The following CTRB1 variants were observed in gnomAD, a reference collection of about 807,000 sequenced individuals.
The protein encoded by CTRB1 is chymotrypsinogen B.
In CTRB1, 15 loss-of-function variants were observed where a neutral mutation model predicts 20.4. The observed-to-expected ratio is 0.74, with a 90% confidence interval of 0.49 to 1.13. The LOEUF (loss-of-function observed/expected upper bound fraction) is 1.13, where lower values mean the gene tolerates loss of function less well. Ranked by LOEUF, CTRB1 falls within the 50% of genes most tolerant of loss-of-function variation. The probability of loss-of-function intolerance (pLI) is 0.00; values close to 1 mark genes in which losing one functional copy is unlikely to be tolerated. For missense variants in CTRB1, 227 were observed against 290.1 expected (o/e 0.78, Z 1.58); for synonymous variants, 92 against 128.4 (o/e 0.72, Z 1.92).
At chr16:75,219,592 C>G (rs942742751) in intron 1 of CTRB1, among the ~76,000 whole-genome samples, 1 of 152,160 alleles carries the variant, frequency 6.6e-6, no homozygotes, top group Non-Finnish European at 1.5e-5. Context: ...CCACGTTGGC[C>G]AGGCTGGTCT....
chr16:75,221,292 A>G (rs546912792), intron 1 of CTRB1, among the ~76,000 whole-genome samples: 1 of 152,120 alleles, frequency 6.6e-6, no homozygotes, highest in East Asian at 1.9e-4. Flanking sequence ...ACACCTGACT[A>G]TTTTCATTGT....
At position 75,222,355 on chromosome 16, in the gene CTRB1, G is replaced by T. The variant is rs72802387; in HGVS notation, c.53-413G>T. Among the ~76,000 whole-genome samples, 370 of 152,216 alleles carry T rather than the reference G, an allele frequency of 2.4e-3. 3 individuals carry two copies. The highest frequency in any genetic ancestry group is 8.6e-3 in the African/African-American group (359 of 41,542). ...CTCGCCACCAGTCTAACAAAGGCAC[G>T]TGGGCCAGTGGAGCTCACGTGGTTC... On this transcript the variant is annotated intron_variant, in intron 1 of 6. Coordinates refer to ENST00000361017, the MANE Select transcript of CTRB1 (RefSeq NM_001906.6).
In CTRB1 at chr16:75,219,037, C is replaced by G. The variant is rs778009154; in HGVS notation, c.30C>G (p.Phe10Leu). 4 of 1,593,996 alleles carry G rather than the reference C, an allele frequency of 2.5e-6. No homozygotes were observed. In the East Asian group the frequency reaches 9.0e-5, roughly 36 times the overall value. ...CTTCCCTCTGGCTCCTCTCCTGCTT[C>G]TCCCTTGTGGGGGCCGCCTTTGGTG... Reference protein sequence around the residue: MASLWLLSCFSLVGAAFGCG... With the variant: MASLWLLSCLSLVGAAFGCG... The change falls in exon 1 of 7, where the codon TTC becomes TTG. Residue 10 changes from phenylalanine to leucine, a missense_variant. Around this residue, in one of 4 missense-constraint regions of CTRB1, gnomAD observed 71 missense variants for 69.1 expected, o/e 1.03. Transcript: ENST00000361017.
At chr16:75,220,014 C>T (rs561374021) in intron 1 of CTRB1, among the ~76,000 whole-genome samples, 1 of 152,274 alleles carries the variant, frequency 6.6e-6, no homozygotes, top group African/African-American at 2.4e-5. Context: ...GGTTTTGAGA[C>T]AGGGTCTCAC....
rs373314657 is a variant in CTRB1, at chr16:75,224,806, C to T, written c.732C>T (p.Gly244=). Residue 244 remains glycine, a synonymous_variant, in exon 7 of 7, where the codon GGC becomes GGT. Transcript: ENST00000361017. The part of the protein sequence containing the change: ...GSDTCSTSSP[G]VYARVTKLIP... ...ACACCTGCTCCACCTCCAGCCCTGG[C>T]GTGTACGCCCGTGTCACCAAGCTCA... The T allele has an allele frequency of 1.9e-6, 3 of 1,613,962 alleles. No individual in the cohort carries two copies. The highest frequency in any genetic ancestry group is 2.7e-5 in the African/African-American group (2 of 75,066).
chr16:75,220,745 T>C lies in CTRB1; in HGVS notation c.52+1686T>C, dbSNP rs536453023. Among the ~76,000 whole-genome samples, 12 of 128,566 alleles carry C rather than the reference T, an allele frequency of 9.3e-5. No homozygotes were observed. In the East Asian group the frequency reaches 3.2e-3, roughly 34 times the overall value. The allele number at this position is 128,566 out of a possible 152,430, so 84.3% of individuals were successfully genotyped here. On this transcript the variant is annotated intron_variant, in intron 1 of 6. Coordinates refer to ENST00000361017, the MANE Select transcript of CTRB1 (RefSeq NM_001906.6). Reference sequence around the variant, plus strand: ...GCTCTGTTGTGTGAGTATGCCACCATCTAGTTCTCTTATTTATTTATTTAT... The same window carrying C: ...GCTCTGTTGTGTGAGTATGCCACCACCTAGTTCTCTTATTTATTTATTTAT...
At chr16:75,222,064 GAAAAAAAA>G (rs71158588) in intron 1 of CTRB1, among the ~76,000 whole-genome samples, 55 of 108,602 alleles carry the variant, frequency 5.1e-4, no homozygotes, top group African/African-American at 1.9e-3. Context: ...GTCTCAAAAA[GAAAAAAAA>G]AAAAAAAAAA....
intron 1 of CTRB1, among the ~76,000 whole-genome samples, chr16:75,220,083 G>T (rs149298631): frequency 1.9e-3 from 293 of 152,128 alleles, no homozygotes; most frequent in African/African-American, 6.8e-3. Flanking sequence ...TCAAGGGCTC[G>T]AGTGATCCTC....
intron 1 of CTRB1, among the ~76,000 whole-genome samples, chr16:75,222,184 A>G (rs115943569): frequency 0.011 from 1,620 of 151,586 alleles, 22 homozygotes; most frequent in African/African-American, 0.036. Context: ...GAGAAACCCA[A>G]ACTTTACACA....
At chr16:75,221,712 C>G (rs912464498) in intron 1 of CTRB1, among the ~76,000 whole-genome samples, 4 of 148,410 alleles carry the variant, frequency 2.7e-5, no homozygotes, top group African/African-American at 9.7e-5. Context: ...GGGGCTCATG[C>G]CTGTGATCTC....
chr16:75,223,995 C>A, intron 5 of CTRB1, 60 bp from the exon 6 acceptor site: 1 of 595,988 alleles, frequency 1.7e-6, no homozygotes, highest in Non-Finnish European at 2.7e-6. Context: ...GGCCCCGGGT[C>A]TCTCCCTCCA....
rs758956692 is a variant in CTRB1 at position 75,224,765 on chromosome 16, G to C, written c.691G>C (p.Val231Leu). ...KDGAWTLVGIVSWGSDTCSTS... is the reference protein window; with the variant it reads ...KDGAWTLVGILSWGSDTCSTS... ...TGGAGCCTGGACCCTGGTGGGCATTGTGTCCTGGGGCAGCGACACCTGCTC... is the reference window on the plus strand; with the variant it reads ...TGGAGCCTGGACCCTGGTGGGCATTCTGTCCTGGGGCAGCGACACCTGCTC... Residue 231 changes from valine (V) to leucine (L), a missense_variant, in exon 7 of 7, where the codon GTG becomes CTG. Around this residue, in one of 4 missense-constraint regions of CTRB1, gnomAD observed 108 missense variants for 76.9 expected, o/e 1.41. Transcript: ENST00000361017. 2.6e-5 allele frequency: 42 copies of C among 1,613,664 alleles called. No individual in the cohort carries two copies. Among genetic ancestry groups the C allele is most frequent in the Non-Finnish European group, 3.4e-5 (40 of 1,179,994 alleles).
chr16:75,221,975 G>A (rs1261496454), intron 1 of CTRB1, among the ~76,000 whole-genome samples: 4 of 151,166 alleles, frequency 2.6e-5, no homozygotes, highest in Non-Finnish European at 5.9e-5. Context: ...GCAGGAGAAT[G>A]GCGTGAACCC....
intron 1 of CTRB1, among the ~76,000 whole-genome samples, chr16:75,221,650 G>C (rs1490998436): frequency 1.3e-5 from 2 of 152,074 alleles, no homozygotes; most frequent in Non-Finnish European, 2.9e-5. Flanking sequence ...GTGAGCCACT[G>C]TGCTGGCCAA....
chr16:75,222,868 G>A lies in CTRB1; in HGVS notation c.153G>A (p.Leu51=). 1 of 1,513,568 alleles carries A rather than the reference G, an allele frequency of 6.6e-7. No individual in the cohort carries two copies. Among genetic ancestry groups the A allele is most frequent in the Non-Finnish European group, 8.9e-7 (1 of 1,121,794 alleles). The allele number at this position is 1,513,568 out of a possible 1,614,324, so 93.8% of individuals were successfully genotyped here. The change falls in exon 2 of 7, where the codon CTG becomes CTA. Residue 51 remains leucine (L), a synonymous_variant. Transcript: ENST00000361017. ...GCTCCTGGCCCTGGCAGGTGTCCCT[G>A]CAGGTGAGGGGGTTCTGCAAGGTGG... ...VPGSWPWQVS[L]QDKTGFHFCG... is the part of the protein sequence containing the mutation.
At chr16:75,222,258 C>A (rs1019652078) in intron 1 of CTRB1, among the ~76,000 whole-genome samples, 2 of 152,112 alleles carry the variant, frequency 1.3e-5, no homozygotes, top group African/African-American at 4.8e-5. Context: ...TTTCACTCTC[C>A]CGTCTGCAAA....
intron 1 of CTRB1, among the ~76,000 whole-genome samples, chr16:75,219,617 C>A (rs1423070538): frequency 1.3e-5 from 2 of 152,152 alleles, no homozygotes; most frequent in East Asian, 3.9e-4. Flanking sequence ...CTCCTGACCT[C>A]AGGTGATGCC....
At position 75,222,025 on chromosome 16, in the gene CTRB1, T is replaced by C. The variant is rs149045465; in HGVS notation, c.53-743T>C. Among the ~76,000 whole-genome samples, 1,388 of 139,192 alleles carry C rather than the reference T, an allele frequency of 1.0e-2. 25 individuals carry two copies. Among genetic ancestry groups the C allele is most frequent in the African/African-American group, 0.036 (1,301 of 36,434 alleles). 91.3% of individuals were successfully genotyped at this position (139,192 alleles called of 152,430 possible). On this transcript the variant is annotated intron_variant, in intron 1 of 6. Coordinates refer to ENST00000361017, the MANE Select transcript of CTRB1 (RefSeq NM_001906.6). ...GCAGTGAGCCAAGATTGTGCCACTG[T>C]ACTCCAGCCTGGGCAACAGAGCAAG...
rs200509242 is a variant in CTRB1, at chr16:75,224,716, C to G, written c.642C>G (p.Gly214=). The G allele has an allele frequency of 1.9e-5, 31 of 1,609,810 alleles. No homozygotes were observed. The highest frequency in any genetic ancestry group is 2.5e-5 in the Non-Finnish European group (30 of 1,178,496). Residue 214 remains glycine, a synonymous_variant, in exon 7 of 7, where the codon GGC becomes GGG. Transcript: ENST00000361017. ...TCCCTCTCCCACAGGGCGACTCTGG[C>G]GGCCCCCTGGTCTGCCAAAAGGATG... ...SGVSSCMGDS[G]GPLVCQKDGA...
Sources: allele counts gnomAD v4.1 joint callset (sites outside exome capture counted in the v4.1 genomes callset), GRCh38; gene constraint gnomAD v4.1.1; regional missense constraint gnomAD v4.1.1; transcripts MANE v1.5; gene names NCBI Gene and HGNC (gene_info 2026-07-23, HGNC 2026-07-21).